The following ZNF397 variants were observed in gnomAD, a reference collection of about 807,000 sequenced individuals.
ZNF397 encodes zinc finger and SCAN domain-containing protein 15.
Under a neutral mutation model 50.6 loss-of-function variants are expected in ZNF397, and 38 were observed. The observed-to-expected ratio is 0.75, with a 90% CI of 0.58 to 0.98. The LOEUF (loss-of-function observed/expected upper bound fraction) is 0.98, where lower values mean the gene tolerates loss of function less well. Among genes scored for constraint, ZNF397 ranks in the 50% least tolerant of loss-of-function variants. The probability of loss-of-function intolerance (pLI) is 0.00; values close to 1 mark genes in which losing one functional copy is unlikely to be tolerated. For synonymous variants in ZNF397, 228 were observed against 215.2 expected, an observed-to-expected ratio of 1.06 and a Z score of -0.52; for missense variants, 624 against 624.1, an observed-to-expected ratio of 1.00 and a Z score of 0.00.
chr18:35,253,102 G>C (rs751056342), downstream of ZNF397: 1 of 187,956 alleles, frequency 5.3e-6, no homozygotes, highest in Non-Finnish European at 1.1e-5. Flanking sequence ...AGCTCTTTCA[G>C]GATCTCTGCC....
At chr18:35,258,148 C>A in exon 6 of ZNF397, 1 of 614,540 alleles carries the variant, frequency 1.6e-6, no homozygotes, top group Admixed American at 2.7e-5. Context: ...AAAGGATCCA[C>A]ATTAATTCTT....
intron 2 of ZNF397, 49 bp from the exon 3 acceptor site, chr18:35,243,102 GT>G (rs772513300): frequency 6.2e-7 from 1 of 1,610,324 alleles, no homozygotes; most frequent in Non-Finnish European, 8.5e-7. Flanking sequence ...TACTAAGCAA[GT>G]TTTCTTAGGG....
chr18:35,255,118 A>T (rs2043755174), intron 5 of ZNF397: 1 of 151,734 alleles, frequency 6.6e-6, no homozygotes, highest in African/African-American at 2.4e-5. Flanking sequence ...AAGGGGATGG[A>T]GACAACTCCT....
chr18:35,254,422 C>A, downstream of ZNF397: 1 of 1,613,364 alleles, frequency 6.2e-7, no homozygotes, highest in South Asian at 1.1e-5. Flanking sequence ...ATTTACTTCC[C>A]ATGACAGAAG....
At chr18:35,252,382 A>G (rs1431939190), downstream of ZNF397, 1 of 152,220 alleles carries the variant, frequency 6.6e-6, no homozygotes, top group East Asian at 1.9e-4. Context: ...GAACACGGTG[A>G]TCTGCCTTCC....
chr18:35,242,214 T>C (rs545732714), intron 1 of ZNF397, among the ~76,000 whole-genome samples, 177 bp from the exon 2 acceptor site: 2 of 152,352 alleles, frequency 1.3e-5, no homozygotes, highest in East Asian at 3.9e-4. Flanking sequence ...TTCTTCATAA[T>C]GGGAGACACT....
chr18:35,258,991 T>A (rs12959416), downstream of ZNF397: 1 of 151,182 alleles, frequency 6.6e-6, no homozygotes, highest in African/African-American at 2.5e-5. Flanking sequence ...ATGAATAAAT[T>A]AAAGTTGGGA....
rs976289567 is a variant in ZNF397 at position 35,248,698 on chromosome 18, C to G, written c.*2388C>G. The G allele has an allele frequency of 1.3e-5, 2 of 152,014 alleles. No homozygotes were observed. The highest frequency in any genetic ancestry group is 2.9e-5 in the Non-Finnish European group (2 of 68,010). 9.4% of individuals were successfully genotyped at this position (152,014 alleles called of 1,614,324 possible). Reference sequence around the variant, plus strand: ...TCTACAAAAAATAAACAGAATTTGCCAGACGTGGTAGTGCATGCCTGTAGA... The same window carrying G: ...TCTACAAAAAATAAACAGAATTTGCGAGACGTGGTAGTGCATGCCTGTAGA... On this transcript the variant is annotated 3_prime_UTR_variant, in exon 4 of 4. Coordinates refer to ENST00000330501, the MANE Select transcript of ZNF397 (RefSeq NM_001135178.3).
chr18:35,258,077 C>T (rs2043901595), exon 6 of ZNF397: 1 of 754,676 alleles, frequency 1.3e-6, no homozygotes, highest in Admixed American at 1.7e-5. Flanking sequence ...GTGACTCTTA[C>T]AATCATATCA....
In ZNF397 at chr18:35,242,876, G is replaced by T; in HGVS notation, c.406G>T (p.Gly136Trp). The T allele has an allele frequency of 1.2e-6, 2 of 1,606,630 alleles. No individual in the cohort carries two copies. Among genetic ancestry groups the T allele is most frequent in the South Asian group, 1.1e-5 (1 of 90,506 alleles). ...TTTAGAGAGGGAGTTTGATGACCCA[G>T]GGCAGCAGGTGGGAACGGAGAAAAG... Reference protein sequence around the residue: ...EDLEREFDDPGQQVPASPQGP... With the variant: ...EDLEREFDDPWQQVPASPQGP... Residue 136 changes from glycine (G) to tryptophan (W), a missense_variant, in exon 2 of 4, where the codon GGG becomes TGG. Physicochemically the swap from Gly to Trp is radical, Grantham distance 184. Coordinates refer to ENST00000330501, the MANE Select transcript of ZNF397 (RefSeq NM_001135178.3).
chr18:35,254,093 C>T (rs368139268), downstream of ZNF397: 2 of 1,614,012 alleles, frequency 1.2e-6, no homozygotes, highest in East Asian at 4.5e-5. Context: ...CATACTGAAA[C>T]TTCCTTCACT....
In ZNF397 at chr18:35,245,661, G is replaced by A. The variant is rs1598583261; in HGVS notation, c.956G>A (p.Gly319Glu). Reference sequence around the variant, plus strand: ...AAGCCCTATAAATGTAACCAGTGTGGGAAGGCCTTTAGTTTGAGGTCCTAT... The same window carrying A: ...AAGCCCTATAAATGTAACCAGTGTGAGAAGGCCTTTAGTTTGAGGTCCTAT... ...GEKPYKCNQCGKAFSLRSYLI... is the reference protein window; with the variant it reads ...GEKPYKCNQCEKAFSLRSYLI... Residue 319 changes from glycine to glutamate, a missense_variant, in exon 4 of 4, where the codon GGG becomes GAG. By Grantham distance (98) the Gly-to-Glu change is moderately conservative. Coordinates refer to ENST00000330501, the MANE Select transcript of ZNF397 (RefSeq NM_001135178.3). 1 of 1,553,718 alleles carries A rather than the reference G, an allele frequency of 6.4e-7. No individual in the cohort carries two copies. Among genetic ancestry groups the A allele is most frequent in the Non-Finnish European group, 8.7e-7 (1 of 1,148,102 alleles).
In ZNF397 at chr18:35,247,600, T is replaced by A. The variant is rs185833160; in HGVS notation, c.*1290T>A. On this transcript the variant is annotated 3_prime_UTR_variant, in exon 4 of 4. Transcript: ENST00000330501. ...TTGTCAGTTGCTGGGTCTGTGACAT[T>A]CTTTGGGCACCTCGCACATGTTCAG... is the stretch of plus-strand genomic sequence containing the variant. 6.6e-6 allele frequency: 1 copy of A among 152,074 alleles called. No individual in the cohort carries two copies. The highest frequency in any genetic ancestry group is 1.5e-5 in the Non-Finnish European group (1 of 67,960). The allele number at this position is 152,074 out of a possible 1,614,324, so 9.4% of individuals were successfully genotyped here.
chr18:35,250,306 A>G (rs1406605320), downstream of ZNF397, among the ~76,000 whole-genome samples: 1 of 152,210 alleles, frequency 6.6e-6, no homozygotes, highest in Non-Finnish European at 1.5e-5. Flanking sequence ...CAAAACTTCA[A>G]CATTCCACTT....
exon 6 of ZNF397, chr18:35,258,055 A>G: frequency 1.3e-6 from 1 of 774,420 alleles, no homozygotes; most frequent in East Asian, 2.4e-5. Flanking sequence ...TCAAGGTTGT[A>G]AAAATGGCAT....
intron 3 of ZNF397, among the ~76,000 whole-genome samples, chr18:35,244,743 A>G (rs985507831): frequency 7.4e-6 from 1 of 134,336 alleles, no homozygotes; most frequent in Admixed American, 8.0e-5. Context: ...TGAGAGTAGT[A>G]TCAGTGGAAG....
At chr18:35,242,258 A>G (rs922163062) in intron 1 of ZNF397, 133 bp from the exon 2 acceptor site, 1 of 458,810 alleles carries the variant, frequency 2.2e-6, no homozygotes, top group East Asian at 3.3e-5. Flanking sequence ...TTATCATCAC[A>G]TTATTGTTTT....
At chr18:35,243,431 C>T (rs1478726738) in intron 3 of ZNF397, 138 bp downstream of exon 3, 20 of 1,268,624 alleles carry the variant, frequency 1.6e-5, no homozygotes, top group Admixed American at 5.5e-5. Flanking sequence ...CTCGCTTTAG[C>T]GGCTTTGTAT....
chr18:35,257,750 G>T (rs765023259), intron 5 of ZNF397, among the ~76,000 whole-genome samples: 4 of 152,196 alleles, frequency 2.6e-5, no homozygotes, highest in Admixed American at 6.5e-5. Context: ...GGCCCAGGAA[G>T]TAACTTCCAC....
Sources: gnomAD v4.1 joint callset for allele counts (sites outside exome capture counted in the v4.1 genomes callset) on GRCh38, gnomAD v4.1.1 for gene constraint, MANE v1.5 for transcripts, NCBI Gene and HGNC (gene_info 2026-07-23, HGNC 2026-07-21) for gene names.